The following WDR3 variants were observed in gnomAD, a reference collection of about 807,000 sequenced individuals.
The protein encoded by WDR3 is WD repeat-containing protein 3.
A neutral mutation model predicts 123.7 loss-of-function variants in WDR3; 81 were observed. The ratio of observed to expected loss-of-function variants is 0.65; its 90% confidence interval spans 0.55 to 0.79. The LOEUF is 0.79. WDR3 is among the 30% of genes least tolerant of loss of function. The pLI is 0.00. For synonymous variants in WDR3, 390 were observed against 388.8 expected, an observed-to-expected ratio of 1.00 and a Z score of -0.04; for missense variants, 1,027 against 1,123.2, an observed-to-expected ratio of 0.91 and a Z score of 1.22.
chr1:117,935,820 A>T (rs997041500), intron 3 of WDR3, among the ~76,000 whole-genome samples: 3 of 151,990 alleles, frequency 2.0e-5, no homozygotes, highest in Non-Finnish European at 4.4e-5. Context: ...AAACATTTGT[A>T]CATTAAAAAC....
chr1:117,950,959 C>A, intron 16 of WDR3, 69 bp downstream of exon 16: 1 of 1,257,662 alleles, frequency 8.0e-7, no homozygotes, highest in Non-Finnish European at 1.1e-6. Context: ...TTAATTCTGG[C>A]TTGATGTCTT....
chr1:117,935,953 A>G (rs6696092), intron 3 of WDR3, among the ~76,000 whole-genome samples: 66,500 of 151,482 alleles, frequency 0.44, 14,753 homozygotes, highest in South Asian at 0.54. Context: ...AGAATGATAG[A>G]CAAAAGAAAG....
rs535455483 is a variant in WDR3 at position 117,941,961 on chromosome 1, T to A, written c.989+114T>A. ...TGTCTTATCAATTACCATTAAAAGT[T>A]AAAGAACTTGTGAGGTATCGATAAC... On this transcript the variant is annotated intron_variant, in intron 9 of 26. Coordinates refer to ENST00000349139, the MANE Select transcript of WDR3 (RefSeq NM_006784.3). The A allele has an allele frequency of 4.2e-6, 6 of 1,424,912 alleles. No homozygotes were observed. The South Asian group carries it at 9.6e-5, about 23-fold the overall frequency. 88.3% of individuals were successfully genotyped at this position (1,424,912 alleles called of 1,614,324 possible). A position where few individuals can be genotyped will look rare whatever the true frequency, so the allele number is the denominator to read the frequency against.
At chr1:117,931,833 T>G (rs890599377) in intron 1 of WDR3, among the ~76,000 whole-genome samples, 4 of 152,228 alleles carry the variant, frequency 2.6e-5, no homozygotes, top group African/African-American at 7.2e-5. Context: ...ATTGGCTTTA[T>G]GTTGGTTCCT....
chr1:117,943,401 T>G lies in WDR3; in HGVS notation c.1103T>G (p.Phe368Cys). ...NIKTSAKIKS[F>C]DLIHSPHGEL... ...ATGATTATTTTCTTGTACAGGTCCT[T>G]TGACTTGATTCATTCACCTCACGGA... Residue 368 changes from phenylalanine (F) to cysteine (C), a missense_variant, in exon 11 of 27, where the codon TTT (phenylalanine) becomes TGT (cysteine). Coordinates refer to ENST00000349139, the MANE Select transcript of WDR3 (RefSeq NM_006784.3). The G allele has an allele frequency of 6.2e-7, 1 of 1,613,450 alleles. No homozygotes were observed. Among genetic ancestry groups the G allele is most frequent in the Non-Finnish European group, 8.5e-7 (1 of 1,179,632 alleles).
Position 117,943,620 on chromosome 1 carries a change from G to A in WDR3, c.1322G>A (p.Trp441Ter), listed in dbSNP as rs1269491131. Residue 441 changes from tryptophan to a stop codon, truncating the protein, a stop_gained, in exon 11 of 27, where the codon TGG becomes TAG. Coordinates refer to ENST00000349139, the MANE Select transcript of WDR3 (RefSeq NM_006784.3). LOFTEE classifies it high-confidence loss of function. ...GCTGCAGCTGATTCCATTAAAATAT[G>A]GAACAGGTTCGTGAAATGATGTTTT... ...LSAAADSIKI[W>*]NRSTLQCIRT... The A allele has an allele frequency of 2.5e-6, 4 of 1,613,922 alleles. No individual in the cohort carries two copies. The highest frequency in any genetic ancestry group is 3.4e-6 in the Non-Finnish European group (4 of 1,179,908).
At chr1:117,945,824 C>T (rs749679899) in intron 11 of WDR3, among the ~76,000 whole-genome samples, 3 of 152,142 alleles carry the variant, frequency 2.0e-5, no homozygotes, top group Non-Finnish European at 4.4e-5. Context: ...GATTGGGCTC[C>T]GTGGAGCCCA....
chr1:117,937,300 T>C (rs969625338), intron 4 of WDR3, among the ~76,000 whole-genome samples: 1 of 152,190 alleles, frequency 6.6e-6, no homozygotes, highest in African/African-American at 2.4e-5. Flanking sequence ...TGAACACCTA[T>C]TAGGATGAAC....
At chr1:117,938,129 G>T (rs916804765) in intron 4 of WDR3, among the ~76,000 whole-genome samples, 2 of 152,180 alleles carry the variant, frequency 1.3e-5, no homozygotes, top group African/African-American at 4.8e-5. Context: ...ACAAGGGAGT[G>T]GGAGCGGTCT....
intron 3 of WDR3, among the ~76,000 whole-genome samples, chr1:117,935,273 A>G (rs1285347391): frequency 6.6e-6 from 1 of 152,202 alleles, no homozygotes; most frequent in African/African-American, 2.4e-5. Flanking sequence ...ATAGATACAG[A>G]TATATTTAAA....
At chr1:117,933,990 T>A (rs146337408) in intron 2 of WDR3, among the ~76,000 whole-genome samples, 1 of 152,234 alleles carries the variant, frequency 6.6e-6, no homozygotes, top group Non-Finnish European at 1.5e-5. Context: ...CATTTTGATA[T>A]TGTCCATTCA....
At chr1:117,950,201 TA>T (rs1374098921) in intron 15 of WDR3, 71 bp downstream of exon 15, 4 of 1,584,326 alleles carry the variant, frequency 2.5e-6, no homozygotes, top group South Asian at 1.1e-5. Flanking sequence ...GTTGAGGCTA[TA>T]AAGAAGTGGC....
chr1:117,947,145 A>G (rs1293262018), intron 12 of WDR3, among the ~76,000 whole-genome samples: 4 of 152,024 alleles, frequency 2.6e-5, no homozygotes, highest in Non-Finnish European at 5.9e-5. Flanking sequence ...GACGTTACTG[A>G]CCCATTTCAC....
chr1:117,933,545 G>C, intron 2 of WDR3, 55 bp downstream of exon 2: 1 of 1,604,138 alleles, frequency 6.2e-7, no homozygotes, highest in Non-Finnish European at 8.5e-7. Context: ...AGGATGGAGA[G>C]GTAGTAGAAG....
At position 117,959,333 on chromosome 1, in the gene WDR3, G is replaced by C. The variant is rs780969734; in HGVS notation, c.2718G>C (p.Lys906Asn). 6.2e-7 allele frequency: 1 copy of C among 1,613,880 alleles called. No homozygotes were observed. Among genetic ancestry groups the C allele is most frequent in the Non-Finnish European group, 8.5e-7 (1 of 1,179,926 alleles). ...GFNMAGLDYL[K>N]RECEAKSEVM... ...ATATGGCTGGTCTTGATTATCTCAA[G>C]AGGGAATGCGAGGCAAAAAGTGAAG... Residue 906 changes from lysine to asparagine, a missense_variant, in exon 27 of 27, where the codon AAG becomes AAC. By Grantham distance (94) the Lys-to-Asn change is moderately conservative. Transcript: ENST00000349139.
In WDR3 at chr1:117,933,393, A is replaced by G. The variant is rs1650803644; in HGVS notation, c.74A>G (p.Asn25Ser). 6.2e-7 allele frequency: 1 copy of G among 1,614,164 alleles called. No individual in the cohort carries two copies. Among genetic ancestry groups the G allele is most frequent in the Admixed American group, 1.7e-5 (1 of 60,014 alleles). Reference protein sequence around the residue: ...VFGVIGSQKGNIVFVTLRGEK... With the variant: ...VFGVIGSQKGSIVFVTLRGEK... ...GGCGTTATCGGCAGCCAAAAAGGTA[A>G]TATTGTCTTTGTGACACTTCGTGGT... Residue 25 changes from asparagine (N) to serine (S), a missense_variant, in exon 2 of 27, where the codon AAT (asparagine) becomes AGT (serine). By Grantham distance (46) the Asn-to-Ser change is conservative. Transcript: ENST00000349139.
intron 6 of WDR3, 29 bp downstream of exon 6, chr1:117,939,601 A>C: frequency 6.2e-7 from 1 of 1,606,364 alleles, no homozygotes. Flanking sequence ...CATGGGCAAT[A>C]TGTTTAGAAG....
intron 14 of WDR3, 35 bp from the exon 15 acceptor site, chr1:117,949,960 C>A (rs1651547017): frequency 2.5e-6 from 4 of 1,612,974 alleles, no homozygotes; most frequent in Admixed American, 1.7e-5. Context: ...TTTGTATACT[C>A]ATTTATTTTT....
At chr1:117,949,319 A>G (rs1487216126) in intron 13 of WDR3, among the ~76,000 whole-genome samples, 1 of 152,192 alleles carries the variant, frequency 6.6e-6, no homozygotes, top group Non-Finnish European at 1.5e-5. Flanking sequence ...TAACACTGCC[A>G]TGTAATGAGA....
Sources: allele counts gnomAD v4.1 joint callset (sites outside exome capture counted in the v4.1 genomes callset), GRCh38; gene constraint gnomAD v4.1.1; transcripts MANE v1.5; gene names NCBI Gene and HGNC (gene_info 2026-07-23, HGNC 2026-07-21).